The following ZNF492 variants were observed in gnomAD, a reference collection of about 807,000 sequenced individuals.
The protein encoded by ZNF492 is zinc finger protein 492.
In ZNF492, 3 loss-of-function variants were observed where a neutral mutation model predicts 6.4. The observed-to-expected ratio is 0.47, with a 90% CI of 0.21 to 1.22. The LOEUF (loss-of-function observed/expected upper bound fraction) is 1.22, where lower values mean the gene tolerates loss of function less well. Ranked by LOEUF, ZNF492 falls within the 50% of genes most tolerant of loss-of-function variation. ZNF492 has a pLI of 0.22. For missense variants in ZNF492, 356 were observed against 612.5 expected (o/e 0.58, Z 4.42); for synonymous variants, 112 against 205.3 (o/e 0.55, Z 3.89).
Position 22,663,964 on chromosome 19 carries a change from A to G in ZNF492, c.295A>G (p.Asn99Asp). The G allele has an allele frequency of 6.2e-7, 1 of 1,612,298 alleles. No homozygotes were observed. The highest frequency in any genetic ancestry group is 8.5e-7 in the Non-Finnish European group (1 of 1,179,106). Residue 99 changes from asparagine (N) to aspartate (D), a missense_variant, in exon 4 of 4, where the codon AAT (asparagine) becomes GAT (aspartate). Physicochemically the swap from Asn to Asp is conservative, Grantham distance 23. Transcript: ENST00000456783. ...DECKVHKECY[N>D]GLNQCLTTTQ... ...GTGTAAGGTGCACAAAGAATGTTAC[A>G]ATGGACTTAACCAGTGTTTGACGAC...
At chr19:22,645,038 T>C (rs1232256255) in intron 1 of ZNF492, among the ~76,000 whole-genome samples, 1 of 152,094 alleles carries the variant, frequency 6.6e-6, no homozygotes, top group Non-Finnish European at 1.5e-5. Flanking sequence ...GAAGTGTTTG[T>C]TCATCTTTTG....
rs74406853 is a variant in ZNF492, at chr19:22,664,065, G to A, written c.396G>A (p.Thr132=). 0.03 allele frequency: 48,115 copies of A among 1,602,890 alleles called. 789 individuals are homozygous for A. The highest frequency in any genetic ancestry group is 0.068 in the East Asian group (3,017 of 44,590). ...FHKFSNSNRH[T]IRHTGKKSFK... The stretch of plus-strand genomic sequence containing the variant: ...AATTTTCAAATTCAAACAGACATAC[G>A]ATAAGACATACTGGAAAGAAATCTT... Residue 132 remains threonine (T), a synonymous_variant, in exon 4 of 4, where the codon ACG becomes ACA. Transcript: ENST00000456783.
chr19:22,657,828 G>A (rs1431740430), intron 3 of ZNF492, among the ~76,000 whole-genome samples: 1 of 152,036 alleles, frequency 6.6e-6, no homozygotes, highest in East Asian at 1.9e-4. Context: ...GATTATATGT[G>A]TGTGTGTTTT....
intron 1 of ZNF492, among the ~76,000 whole-genome samples, chr19:22,637,298 T>C (rs974163468): frequency 3.9e-5 from 6 of 151,988 alleles, no homozygotes; most frequent in African/African-American, 1.2e-4. Context: ...TTTTATTTTA[T>C]TTTATTTTTG....
intron 1 of ZNF492, among the ~76,000 whole-genome samples, chr19:22,645,053 C>CT (rs1014245197): frequency 6.9e-4 from 101 of 146,168 alleles, no homozygotes; most frequent in Middle Eastern, 3.5e-3. Context: ...CTTTTGCCCA[C>CT]TTTTTTTTTT....
intron 3 of ZNF492, 112 bp downstream of exon 3, chr19:22,654,127 A>C (rs1485304919): frequency 7.7e-7 from 1 of 1,303,834 alleles, no homozygotes; most frequent in African/African-American, 1.6e-5. Context: ...CAAAGGAAAT[A>C]GTTTCTGGGA....
intron 1 of ZNF492, 132 bp from the exon 2 acceptor site, chr19:22,653,175 A>G (rs1971959396): frequency 3.8e-6 from 4 of 1,041,742 alleles, no homozygotes; most frequent in Non-Finnish European, 5.5e-6. Context: ...GCTGAAAGTT[A>G]TTTATTAAAT....
intron 3 of ZNF492, among the ~76,000 whole-genome samples, chr19:22,655,864 G>A (rs536022239): frequency 7.4e-5 from 9 of 122,270 alleles, no homozygotes; most frequent in African/African-American, 2.4e-4. Flanking sequence ...TCACTCTGTC[G>A]CTGAGACTGG....
intron 1 of ZNF492, among the ~76,000 whole-genome samples, chr19:22,642,977 G>A (rs960653093): frequency 2.0e-5 from 3 of 152,136 alleles, no homozygotes; most frequent in Admixed American, 6.6e-5. Flanking sequence ...CAATGCAAAA[G>A]CAAGGTCTGG....
intron 1 of ZNF492, among the ~76,000 whole-genome samples, chr19:22,643,449 AG>A (rs1450478628): frequency 6.6e-6 from 1 of 152,176 alleles, no homozygotes; most frequent in Non-Finnish European, 1.5e-5. Context: ...GCCAAGTATA[AG>A]GGACTCTGTG....
At chr19:22,658,617 G>A (rs927116386) in intron 3 of ZNF492, among the ~76,000 whole-genome samples, 1 of 139,812 alleles carries the variant, frequency 7.2e-6, no homozygotes, top group African/African-American at 3.0e-5. Flanking sequence ...ATTTTATTTT[G>A]CATAAAGTCA....
In ZNF492 at chr19:22,664,204, A is replaced by T; in HGVS notation, c.535A>T (p.Asn179Tyr). 9.9e-6 allele frequency: 16 copies of T among 1,613,250 alleles called. No individual in the cohort carries two copies. Among genetic ancestry groups the T allele is most frequent in the Non-Finnish European group, 1.4e-5 (16 of 1,179,536 alleles). ...ATGTAAAGAATGTGGGAAAGCCTAT[A>T]ATGAGACCTCAAACCTTTCTACACA... ...YKCKECGKAY[N>Y]ETSNLSTHKR... The change falls in exon 4 of 4, where the codon AAT (asparagine) becomes TAT (tyrosine). Residue 179 changes from asparagine (N) to tyrosine (Y), a missense_variant. Physicochemically the swap from Asn to Tyr is moderately radical, Grantham distance 143. This residue lies in a region of ZNF492 where 196 missense variants were observed against 219.4 expected (regional missense o/e 0.89). Transcript: ENST00000456783.
rs777620448 is a variant in ZNF492 at position 22,664,292 on chromosome 19, G to A, written c.623G>A (p.Arg208Gln). Residue 208 changes from arginine to glutamine, a missense_variant, in exon 4 of 4, where the codon CGG (arginine) becomes CAG (glutamine). Physicochemically the swap from Arg to Gln is conservative, Grantham distance 43. Transcript: ENST00000456783. ...KCEECGKAFN[R>Q]LSHLTTHKII... ...GAAGAGTGTGGAAAAGCCTTTAACCGGCTCTCACACCTTACTACACATAAG... is the reference window on the plus strand; with the variant it reads ...GAAGAGTGTGGAAAAGCCTTTAACCAGCTCTCACACCTTACTACACATAAG... The A allele has an allele frequency of 8.8e-6, 14 of 1,581,980 alleles. No individual in the cohort carries two copies. Among genetic ancestry groups the A allele is most frequent in the East Asian group, 2.3e-5 (1 of 43,922 alleles).
intron 1 of ZNF492, among the ~76,000 whole-genome samples, chr19:22,642,893 A>G (rs1461839102): frequency 6.6e-6 from 1 of 152,206 alleles, no homozygotes; most frequent in Non-Finnish European, 1.5e-5. Context: ...GATAAAGACT[A>G]AAAGATACAG....
rs781743312 is a variant in ZNF492, at chr19:22,664,092, C to T, written c.423C>T (p.Phe141=). ...HTIRHTGKKS[F]KCKECEKSFC... The stretch of plus-strand genomic sequence containing the variant: ...TAAGACATACTGGAAAGAAATCTTT[C>T]AAATGTAAAGAATGTGAAAAGTCAT... Residue 141 remains phenylalanine (F), a synonymous_variant, in exon 4 of 4, where the codon TTC becomes TTT. Transcript: ENST00000456783. 4.4e-6 allele frequency: 7 copies of T among 1,604,936 alleles called. No homozygotes were observed. The East Asian group carries it at 1.6e-4, about 36-fold the overall frequency.
chr19:22,663,370 A>G (rs1364748187), intron 3 of ZNF492, among the ~76,000 whole-genome samples: 1 of 152,170 alleles, frequency 6.6e-6, no homozygotes, highest in Non-Finnish European at 1.5e-5. Flanking sequence ...TATTTCTTTC[A>G]GAACTTTTAT....
chr19:22,634,549 G>A (rs1971740354), intron 1 of ZNF492, 75 bp downstream of exon 1: 1 of 1,282,938 alleles, frequency 7.8e-7, no homozygotes, highest in Non-Finnish European at 1.1e-6. Context: ...GCTGTGGCGG[G>A]ACTCAGGCCT....
chr19:22,661,210 G>GT (rs200628371), intron 3 of ZNF492, among the ~76,000 whole-genome samples: 28,446 of 149,734 alleles, frequency 0.19, 3,485 homozygotes, highest in African/African-American at 0.36. Flanking sequence ...CCACCAAATT[G>GT]TTTTTTTTAA....
At chr19:22,649,138 C>A (rs552436026) in intron 1 of ZNF492, among the ~76,000 whole-genome samples, 4 of 152,162 alleles carry the variant, frequency 2.6e-5, no homozygotes, top group Non-Finnish European at 5.9e-5. Flanking sequence ...GACAAAATCC[C>A]TCAGCATTTG....
Sources: allele counts gnomAD v4.1 joint callset (sites outside exome capture counted in the v4.1 genomes callset), GRCh38; gene constraint gnomAD v4.1.1; regional missense constraint gnomAD v4.1.1; transcripts MANE v1.5; gene names NCBI Gene and HGNC (gene_info 2026-07-23, HGNC 2026-07-21).